Variants in RHOBTB3 observed in about 807,000 individuals in gnomAD.
RHOBTB3 encodes the protein rho-related BTB domain-containing protein 3.
In RHOBTB3, 47 loss-of-function variants were observed where a neutral mutation model predicts 67.2. The ratio of observed to expected loss-of-function variants is 0.70; its 90% CI spans 0.55 to 0.89. RHOBTB3 has a LOEUF of 0.89. Ranked by LOEUF, RHOBTB3 falls within the 40% of genes least tolerant of loss-of-function variation. The pLI is 0.00. For synonymous variants in RHOBTB3, 273 were observed against 274.2 expected, an observed-to-expected ratio of 1.00 and a Z score of 0.04; for missense variants, 631 against 750.0, an observed-to-expected ratio of 0.84 and a Z score of 1.85.
intron 8 of RHOBTB3, among the ~76,000 whole-genome samples, chr5:95,768,652 A>C (rs141212223): frequency 6.6e-6 from 1 of 152,262 alleles, no homozygotes; most frequent in African/African-American, 2.4e-5. Context: ...GGCCCACCTC[A>C]GGCACCCATA....
intron 3 of RHOBTB3, among the ~76,000 whole-genome samples, chr5:95,745,128 A>T (rs1744846823): frequency 6.6e-6 from 1 of 152,012 alleles, no homozygotes; most frequent in Non-Finnish European, 1.5e-5. Flanking sequence ...TGGAGATGGG[A>T]TCTCGCTATG....
intron 2 of RHOBTB3, among the ~76,000 whole-genome samples, chr5:95,736,449 T>C (rs150276192): frequency 6.6e-6 from 1 of 152,342 alleles, no homozygotes; most frequent in Non-Finnish European, 1.5e-5. Flanking sequence ...ATTTAAAATG[T>C]ATTGCAGTTC....
intron 3 of RHOBTB3, among the ~76,000 whole-genome samples, chr5:95,742,995 T>C (rs901107148): frequency 2.0e-5 from 3 of 152,050 alleles, no homozygotes; most frequent in East Asian, 1.9e-4. Flanking sequence ...GGCGTGAACC[T>C]GGGAGGCGGA....
chr5:95,745,558 T>C (rs1378797168), intron 3 of RHOBTB3, among the ~76,000 whole-genome samples: 1 of 152,134 alleles, frequency 6.6e-6, no homozygotes, highest in Non-Finnish European at 1.5e-5. Context: ...GCAGTGGCAA[T>C]GTTGTAAGAA....
intron 6 of RHOBTB3, among the ~76,000 whole-genome samples, chr5:95,758,140 A>T (rs1407652495): frequency 6.6e-6 from 1 of 152,230 alleles, no homozygotes; most frequent in Admixed American, 6.5e-5. Flanking sequence ...ACATAGTAGC[A>T]GTAAAATAGC....
Position 95,755,424 on chromosome 5 carries a change from G to A in RHOBTB3, c.711G>A (p.Ala237=), listed in dbSNP as rs770234499. The A allele has an allele frequency of 2.0e-5, 31 of 1,577,278 alleles. No individual in the cohort carries two copies. The highest frequency in any genetic ancestry group is 8.4e-5 in the South Asian group (7 of 83,120). The change falls in exon 6 of 12, where the codon GCG becomes GCA. Residue 237 remains alanine (A), a synonymous_variant. Transcript: ENST00000379982. ...AAATGCCTGTCTTAAAGGCTGAAGC[G>A]TCACATTATAACTCTGACTTAAATA... ...PEKMPVLKAE[A]SHYNSDLNNL...
chr5:95,735,338 A>G (rs1435875812), intron 2 of RHOBTB3, among the ~76,000 whole-genome samples: 1 of 151,634 alleles, frequency 6.6e-6, no homozygotes, highest in African/African-American at 2.4e-5. Context: ...TATTCATGAC[A>G]AAAAATTCTG....
At chr5:95,749,326 A>G (rs1047697954) in intron 4 of RHOBTB3, among the ~76,000 whole-genome samples, 5 of 152,240 alleles carry the variant, frequency 3.3e-5, no homozygotes, top group African/African-American at 9.6e-5. Context: ...CCCAATATTC[A>G]TTATGTAAAT....
At chr5:95,761,338 T>C (rs200620394) in intron 6 of RHOBTB3, among the ~76,000 whole-genome samples, 2 of 146,906 alleles carry the variant, frequency 1.4e-5, no homozygotes, top group South Asian at 2.1e-4. Flanking sequence ...TCCTTTTTCC[T>C]CTTTTTTTTT....
chr5:95,720,031 A>G (rs1754821367), intron 1 of RHOBTB3, among the ~76,000 whole-genome samples: 2 of 152,198 alleles, frequency 1.3e-5, no homozygotes, highest in African/African-American at 4.8e-5. Flanking sequence ...TTTGCTACCT[A>G]TTATAAGTTT....
chr5:95,754,765 G>C (rs530652700), intron 5 of RHOBTB3, among the ~76,000 whole-genome samples: 6 of 152,310 alleles, frequency 3.9e-5, no homozygotes, highest in African/African-American at 1.4e-4. Context: ...TTGCTGAAGT[G>C]TTTTACTAGA....
At chr5:95,757,192 A>G (rs576651370) in intron 6 of RHOBTB3, among the ~76,000 whole-genome samples, 5 of 152,200 alleles carry the variant, frequency 3.3e-5, no homozygotes, top group East Asian at 1.9e-4. Context: ...CTCAGTAGCA[A>G]CTATATTTTA....
At position 95,748,347 on chromosome 5, in the gene RHOBTB3, A is replaced by G; in HGVS notation, c.430A>G (p.Thr144Ala). The change falls in exon 4 of 12, where the codon ACA (threonine) becomes GCA (alanine). Residue 144 changes from threonine to alanine, a missense_variant. Physicochemically the swap from Thr to Ala is moderately conservative, Grantham distance 58 (BLOSUM62 0). Transcript: ENST00000379982. ...TGTTTTCTCAGAAGAGTTACCTTGTACATGCCCACTATGTACCTCAGACAG... is the reference window on the plus strand; with the variant it reads ...TGTTTTCTCAGAAGAGTTACCTTGTGCATGCCCACTATGTACCTCAGACAG... The part of the protein sequence containing the change: ...GTRQNEELPC[T>A]CPLCTSDRGS... 6.2e-7 allele frequency: 1 copy of G among 1,605,840 alleles called. No homozygotes were observed. Among genetic ancestry groups the G allele is most frequent in the Non-Finnish European group, 8.5e-7 (1 of 1,176,722 alleles).
At position 95,720,454 on chromosome 5, in the gene RHOBTB3, G is replaced by A. The variant is rs569681745; in HGVS notation, n.133+2689G>A. Among the ~76,000 whole-genome samples, 7 of 152,326 alleles carry A rather than the reference G, an allele frequency of 4.6e-5. No individual in the cohort carries two copies. In the East Asian group the frequency reaches 1.3e-3, roughly 29 times the overall value. On this transcript the variant is annotated intron_variant and non_coding_transcript_variant, in intron 1 of 5. Transcript: ENST00000504949. ...TTAGATCATAGTGAGTTAATAAAAT[G>A]CACTGGTTGAAAATGTCTCCTAATT...
At chr5:95,779,442 G>A (rs545247414) in intron 8 of RHOBTB3, among the ~76,000 whole-genome samples, 1 of 152,348 alleles carries the variant, frequency 6.6e-6, no homozygotes, top group South Asian at 2.1e-4. Flanking sequence ...CTAAGGTGGT[G>A]GAAGTAGAGA....
chr5:95,769,369 T>C (rs1380300157), intron 8 of RHOBTB3: 2 of 421,112 alleles, frequency 4.7e-6, no homozygotes, highest in Admixed American at 2.4e-5. Flanking sequence ...GCACTCCCTA[T>C]GGTCAAGAAA....
At chr5:95,778,201 A>G (rs999240675) in intron 8 of RHOBTB3, among the ~76,000 whole-genome samples, 6 of 151,970 alleles carry the variant, frequency 3.9e-5, no homozygotes, top group African/African-American at 4.8e-5. Flanking sequence ...CAGATCCGCT[A>G]CGCTCAAGTT....
chr5:95,774,808 TAGAATCA>T (rs1249164230), intron 8 of RHOBTB3, among the ~76,000 whole-genome samples: 4 of 152,194 alleles, frequency 2.6e-5, no homozygotes, highest in Non-Finnish European at 4.4e-5. Flanking sequence ...TGTTCTAGTC[TAGAATCA>T]AGAAGTTCAG....
chr5:95,756,434 G>C (rs1262997789), intron 6 of RHOBTB3, among the ~76,000 whole-genome samples: 6 of 152,134 alleles, frequency 3.9e-5, no homozygotes, highest in Non-Finnish European at 8.8e-5. Flanking sequence ...TGCTTCCACT[G>C]TTTTAGCTAT....
Sources: allele counts gnomAD v4.1 joint callset (sites outside exome capture counted in the v4.1 genomes callset), GRCh38; gene constraint gnomAD v4.1.1; transcripts MANE v1.5; gene names NCBI Gene and HGNC (gene_info 2026-07-23, HGNC 2026-07-21).